The following ENTPD1 variants were observed in gnomAD, a reference collection of about 807,000 sequenced individuals.
The protein encoded by ENTPD1 is ectonucleoside triphosphate diphosphohydrolase 1, also known as ATP diphosphohydrolase.
A neutral mutation model predicts 57.0 loss-of-function variants in ENTPD1; 33 were observed. The ratio of observed to expected loss-of-function variants is 0.58; its 90% CI spans 0.44 to 0.77. The LOEUF (loss-of-function observed/expected upper bound fraction) is 0.77. Among genes scored for constraint, ENTPD1 ranks in the 30% least tolerant of loss-of-function variants. The pLI is 0.00. For synonymous variants in ENTPD1, 202 were observed against 218.8 expected (o/e 0.92, Z 0.68); for missense variants, 501 against 603.4 (o/e 0.83, Z 1.78).
chr10:95,858,172 AG>A, intron 7 of ENTPD1, among the ~76,000 whole-genome samples: 1 of 151,534 alleles, frequency 6.6e-6, no homozygotes, highest in East Asian at 1.9e-4. Flanking sequence ...AAAAAAAAAA[AG>A]TAACTGCTGG....
intron 1 of ENTPD1, among the ~76,000 whole-genome samples, chr10:95,775,029 C>T (rs1237505960): frequency 1.3e-5 from 2 of 152,218 alleles, no homozygotes; most frequent in African/African-American, 4.8e-5. Flanking sequence ...TGTAGTTCTC[C>T]TTTAAGGGGT....
chr10:95,744,987 T>TA (rs2098004501), intron 1 of ENTPD1, among the ~76,000 whole-genome samples: 1 of 152,298 alleles, frequency 6.6e-6, no homozygotes, highest in South Asian at 2.1e-4. Context: ...AGCAGTTTTT[T>TA]AAAAAATTTA....
chr10:95,717,820 T>A (rs758594680), intron 1 of ENTPD1, among the ~76,000 whole-genome samples: 1 of 152,192 alleles, frequency 6.6e-6, no homozygotes, highest in Admixed American at 6.5e-5. Context: ...GTGCCTTCAA[T>A]GCCATTAACA....
At chr10:95,706,741 G>A in the ENTPD1 span, among the ~76,000 whole-genome samples, 1 of 152,208 alleles carries the variant, frequency 6.6e-6, no homozygotes, top group Admixed American at 6.5e-5. Context: ...TCCATGGGTG[G>A]TCATAGGCAG....
chr10:95,725,215 C>A (rs778603066), intron 1 of ENTPD1, among the ~76,000 whole-genome samples: 4 of 151,976 alleles, frequency 2.6e-5, no homozygotes, highest in Admixed American at 6.6e-5. Context: ...TTTGCTATGG[C>A]TTTTGTTTCT....
At chr10:95,787,580 C>T (rs1226266922) in intron 1 of ENTPD1, among the ~76,000 whole-genome samples, 1 of 152,032 alleles carries the variant, frequency 6.6e-6, no homozygotes, top group Non-Finnish European at 1.5e-5. Context: ...AGATAAACCA[C>T]CCCAGTTAAG....
In ENTPD1 at chr10:95,867,904, G is replaced by A. The variant is rs1391742777; in HGVS notation, c.*1521G>A. ...GAATATAAAAACTTAATAAAGCTGT[G>A]GAAAGGAACTCTTAATCTTCTTTTC... On this transcript the variant is annotated 3_prime_UTR_variant, in exon 10 of 10. Coordinates refer to ENST00000371205, the MANE Select transcript of ENTPD1 (RefSeq NM_001776.6). 1.0e-6 allele frequency: 1 copy of A among 985,262 alleles called. No homozygotes were observed. The highest frequency in any genetic ancestry group is 6.2e-5 in the Admixed American group (1 of 16,260). 61.0% of individuals were successfully genotyped at this position (985,262 alleles called of 1,614,324 possible).
intron 7 of ENTPD1, among the ~76,000 whole-genome samples, chr10:95,859,006 G>A (rs1458684122): frequency 6.6e-6 from 1 of 152,050 alleles, no homozygotes; most frequent in Non-Finnish European, 1.5e-5. Context: ...AGGAGCATGG[G>A]AAAAATGGAA....
the ENTPD1 span, among the ~76,000 whole-genome samples, chr10:95,699,833 G>A: frequency 1.3e-5 from 2 of 152,182 alleles, no homozygotes; most frequent in African/African-American, 4.8e-5. Flanking sequence ...GAAATTGGAA[G>A]GATATTGACT....
intron 1 of ENTPD1, among the ~76,000 whole-genome samples, chr10:95,788,305 A>G (rs1277446381): frequency 6.6e-6 from 1 of 152,158 alleles, no homozygotes; most frequent in East Asian, 1.9e-4. Context: ...CAAATTTACT[A>G]AAAAGAATAT....
At chr10:95,738,946 C>T (rs796919619) in intron 1 of ENTPD1, among the ~76,000 whole-genome samples, 2 of 152,180 alleles carry the variant, frequency 1.3e-5, no homozygotes, top group African/African-American at 4.8e-5. Context: ...CAGTTCCAGA[C>T]CACCACAATA....
At chr10:95,781,257 G>T (rs1298389828) in intron 1 of ENTPD1, among the ~76,000 whole-genome samples, 1 of 152,088 alleles carries the variant, frequency 6.6e-6, no homozygotes, top group Non-Finnish European at 1.5e-5. Context: ...GGCTGGGAAG[G>T]GTAGTGGGGG....
intron 1 of ENTPD1, among the ~76,000 whole-genome samples, chr10:95,794,224 G>A (rs1589855181): frequency 6.6e-6 from 1 of 151,940 alleles, no homozygotes; most frequent in East Asian, 1.9e-4. Flanking sequence ...GAGTTCTGTA[G>A]CAAAGAATCA....
chr10:95,742,097 G>A lies in ENTPD1; in HGVS notation c.37+30104G>A, dbSNP rs7096656. ...GTGGGCCATGCTGATAAGGTCATCG[G>A]CATTAGTCTAAGGGCCATGTGTTCT... On this transcript the variant is annotated intron_variant, in intron 1 of 9. Transcript: ENST00000453258. Among the ~76,000 whole-genome samples, 536 of 152,282 alleles carry A rather than the reference G, an allele frequency of 3.5e-3. 2 individuals carry two copies. Among genetic ancestry groups the A allele is most frequent in the African/African-American group, 0.012 (508 of 41,544 alleles).
upstream of ENTPD1, among the ~76,000 whole-genome samples, chr10:95,707,696 C>T (rs577750443): frequency 1.6e-4 from 25 of 152,192 alleles, no homozygotes; most frequent in Non-Finnish European, 3.1e-4. Context: ...CCTCCACTTC[C>T]TGCCTTCAAG....
chr10:95,694,396 C>T, the ENTPD1 span, among the ~76,000 whole-genome samples: 1 of 149,398 alleles, frequency 6.7e-6, no homozygotes, highest in South Asian at 2.1e-4. Flanking sequence ...CCTTAAAAAA[C>T]AGTCTCCTCT....
chr10:95,719,961 C>T (rs1237169844), intron 1 of ENTPD1, among the ~76,000 whole-genome samples: 1 of 152,172 alleles, frequency 6.6e-6, no homozygotes, highest in African/African-American at 2.4e-5. Flanking sequence ...TTTGGGAAAG[C>T]AGAGTATAAG....
At chr10:95,694,240 A>AC in the ENTPD1 span, 1 of 328,128 alleles carries the variant, frequency 3.0e-6, no homozygotes, top group Non-Finnish European at 5.7e-6. Flanking sequence ...GGCCCAGAGG[A>AC]CTGAGCCCGG....
intron 1 of ENTPD1, among the ~76,000 whole-genome samples, chr10:95,819,223 G>A (rs1412749179): frequency 6.6e-6 from 1 of 152,156 alleles, no homozygotes; most frequent in African/African-American, 2.4e-5. Context: ...GAGTGCAGTG[G>A]TGTGATCTTG....
Sources: allele counts gnomAD v4.1 joint callset (sites outside exome capture counted in the v4.1 genomes callset), GRCh38; gene constraint gnomAD v4.1.1; transcripts MANE v1.5; gene names NCBI Gene and HGNC (gene_info 2026-07-23, HGNC 2026-07-21).